Variants in SGPP2 observed in about 807,000 individuals in gnomAD.
SGPP2 encodes sphingosine 1-phosphate phosphohydrolase 2.
Under a neutral mutation model 33.9 loss-of-function variants are expected in SGPP2, and 30 were observed. The ratio of observed to expected loss-of-function variants is 0.89; its 90% CI spans 0.66 to 1.20. The LOEUF is 1.20. Ranked by LOEUF, SGPP2 falls within the 50% of genes most tolerant of loss-of-function variation. SGPP2 has a pLI of 0.00. For missense variants in SGPP2, 458 were observed against 532.1 expected (o/e 0.86, Z 1.37); for synonymous variants, 233 against 225.0 (o/e 1.04, Z -0.32).
chr2:222,473,084 C>T (rs886110532), intron 1 of SGPP2, among the ~76,000 whole-genome samples: 1 of 152,170 alleles, frequency 6.6e-6, no homozygotes, highest in African/African-American at 2.4e-5. Flanking sequence ...CATGGGTAGC[C>T]TGGCCTACAC....
Position 222,427,308 on chromosome 2 carries a change from T to A in SGPP2, c.219+2487T>A, listed in dbSNP as rs1428870103. Among the ~76,000 whole-genome samples the A allele has an allele frequency of 3.3e-5, 5 of 152,292 alleles. No homozygotes were observed. In the East Asian group the frequency reaches 9.6e-4, roughly 29 times the overall value. On this transcript the variant is annotated intron_variant, in intron 1 of 4. Transcript: ENST00000321276. ...CAGGGTCTTGCTGTGTCACCCAGGG[T>A]GGAGTGCAGTGGCACAATCATAAGT...
intron 2 of SGPP2, among the ~76,000 whole-genome samples, chr2:222,503,099 C>T (rs574932108): frequency 3.9e-5 from 6 of 152,232 alleles, no homozygotes; most frequent in African/African-American, 1.2e-4. Context: ...GAACATTGAG[C>T]TTTGGGAGGC....
chr2:222,561,913 G>A lies in SGPP2; in HGVS notation c.*3015G>A, dbSNP rs1689549033. On this transcript the variant is annotated 3_prime_UTR_variant, in exon 5 of 5. Coordinates refer to ENST00000321276, the MANE Select transcript of SGPP2 (RefSeq NM_152386.4). ...CATTTCTCACACAGCACTTTGCTCT[G>A]TTAAATCCTCTCTCTGTCTCAGACC... Among the ~76,000 whole-genome samples the A allele has an allele frequency of 1.4e-5, 2 of 140,018 alleles. No individual in the cohort carries two copies. The highest frequency in any genetic ancestry group is 5.2e-4 in the South Asian group (2 of 3,848). The allele number at this position is 140,018 out of a possible 152,430, so 91.9% of individuals were successfully genotyped here.
In SGPP2 at chr2:222,527,499, T is replaced by C. The variant is rs1421292001; in HGVS notation, c.648+2466T>C. Among the ~76,000 whole-genome samples the C allele has an allele frequency of 2.0e-5, 3 of 152,180 alleles. No individual in the cohort carries two copies. In the East Asian group the frequency reaches 5.8e-4, roughly 29 times the overall value. On this transcript the variant is annotated intron_variant, in intron 4 of 4. Coordinates refer to ENST00000321276, the MANE Select transcript of SGPP2 (RefSeq NM_152386.4). ...CTTCAGAGAGATTTTTTTAGAAGCT[T>C]CCCATGGGGTTTGAATATGCAGCTA...
At chr2:222,499,633 C>G (rs572573528) in intron 2 of SGPP2, among the ~76,000 whole-genome samples, 2 of 151,882 alleles carry the variant, frequency 1.3e-5, no homozygotes, top group African/African-American at 4.8e-5. Flanking sequence ...TTGGGGGAAA[C>G]ACAAGTTGGG....
chr2:222,542,105 T>A (rs939861604), intron 4 of SGPP2, among the ~76,000 whole-genome samples: 7 of 152,148 alleles, frequency 4.6e-5, no homozygotes, highest in African/African-American at 1.7e-4. Flanking sequence ...TCCCCAAAGG[T>A]ACCCGCTCCC....
Position 222,550,308 on chromosome 2 carries a change from G to GT in SGPP2, c.649-8035dup, listed in dbSNP as rs1361594102. ...TAAACAATCATTTCTAGTTTAGTCT[G>GT]TTTTGAAACACTTTGATTTTCACAT... On this transcript the variant is annotated intron_variant, in intron 4 of 4. Transcript: ENST00000321276. This position sits in a 1 kb window ranked among gnomAD's most constrained non-coding sequence, Gnocchi z 4.5. 5.3e-5 allele frequency among the ~76,000 whole-genome samples: 8 copies of GT among 152,062 alleles called. No individual in the cohort carries two copies. Among genetic ancestry groups the GT allele is most frequent in the African/African-American group, 1.7e-4 (7 of 41,396 alleles).
chr2:222,538,181 C>A (rs1337660093), intron 4 of SGPP2, among the ~76,000 whole-genome samples: 1 of 152,182 alleles, frequency 6.6e-6, no homozygotes, highest in Non-Finnish European at 1.5e-5. Flanking sequence ...TTGGTCCTTC[C>A]TCCTACATGA....
At chr2:222,444,673 A>G (rs1016682421) in intron 1 of SGPP2, among the ~76,000 whole-genome samples, 4 of 152,330 alleles carry the variant, frequency 2.6e-5, no homozygotes, top group Non-Finnish European at 5.9e-5. Context: ...TTGATTCCCC[A>G]TAAGAAAACA....
At chr2:222,439,937 T>C (rs1296042868) in intron 1 of SGPP2, among the ~76,000 whole-genome samples, 2 of 152,176 alleles carry the variant, frequency 1.3e-5, no homozygotes, top group African/African-American at 2.4e-5. Flanking sequence ...GGTATAATTA[T>C]GTAAGAAGGA....
intron 4 of SGPP2, among the ~76,000 whole-genome samples, chr2:222,540,571 G>C (rs927789307): frequency 4.6e-5 from 7 of 152,076 alleles, no homozygotes; most frequent in African/African-American, 1.7e-4. Context: ...TTCTCCCCCA[G>C]CACACAGTTC....
At chr2:222,488,692 A>G (rs1698149840) in intron 2 of SGPP2, among the ~76,000 whole-genome samples, 1 of 152,202 alleles carries the variant, frequency 6.6e-6, no homozygotes, top group Admixed American at 6.5e-5. Flanking sequence ...TAGTCCAGGC[A>G]TAAAGGTATG....
chr2:222,483,289 G>T (rs6722708), intron 2 of SGPP2, among the ~76,000 whole-genome samples: 5 of 151,846 alleles, frequency 3.3e-5, no homozygotes, highest in African/African-American at 1.2e-4. Flanking sequence ...GCGTAATTGC[G>T]TGGCAAATAT....
chr2:222,479,541 A>G (rs1697997898), intron 2 of SGPP2, among the ~76,000 whole-genome samples: 1 of 151,272 alleles, frequency 6.6e-6, no homozygotes, highest in Non-Finnish European at 1.5e-5. Context: ...TAGCTGGGAC[A>G]ACAGGCGCCC....
In SGPP2 at chr2:222,558,619, C is replaced by T. The variant is rs1178362147; in HGVS notation, c.921C>T (p.Leu307=). The change falls in exon 5 of 5, where the codon CTC becomes CTT. Residue 307 remains leucine (L), a synonymous_variant. Transcript: ENST00000321276. ...TTGTATCCAAGCCCGCTGAATCTCTCCCTGTTATTCAGAACATCCCACCAC... is the reference window on the plus strand; with the variant it reads ...TTGTATCCAAGCCCGCTGAATCTCTTCCTGTTATTCAGAACATCCCACCAC... ...FQLVSKPAES[L]PVIQNIPPLT... 5 of 1,614,188 alleles carry T rather than the reference C, an allele frequency of 3.1e-6. No homozygotes were observed. The highest frequency in any genetic ancestry group is 4.2e-6 in the Non-Finnish European group (5 of 1,180,038).
At chr2:222,511,455 T>TGTA in intron 2 of SGPP2, among the ~76,000 whole-genome samples, 1 of 152,212 alleles carries the variant, frequency 6.6e-6, no homozygotes, top group East Asian at 1.9e-4. Context: ...GTTAATGGTC[T>TGTA]GTAATTACTT....
chr2:222,457,588 C>T (rs1574840632), intron 1 of SGPP2, among the ~76,000 whole-genome samples: 1 of 152,216 alleles, frequency 6.6e-6, no homozygotes, highest in East Asian at 1.9e-4. Flanking sequence ...CTCTTATCTT[C>T]ACATCTGTGT....
intron 1 of SGPP2, among the ~76,000 whole-genome samples, chr2:222,451,458 T>A (rs1697487604): frequency 6.6e-6 from 1 of 152,186 alleles, no homozygotes; most frequent in Admixed American, 6.5e-5. Context: ...TGTACAGAAT[T>A]ATTTTGATGT....
At chr2:222,432,731 G>T (rs1159345318) in intron 1 of SGPP2, among the ~76,000 whole-genome samples, 1 of 152,084 alleles carries the variant, frequency 6.6e-6, no homozygotes, top group Non-Finnish European at 1.5e-5. Flanking sequence ...AAAGTCTGTA[G>T]AAAAGATAGG....
Sources: allele counts gnomAD v4.1 joint callset (sites outside exome capture counted in the v4.1 genomes callset), GRCh38; gene constraint gnomAD v4.1.1; non-coding constraint Gnocchi (gnomAD v3.1); transcripts MANE v1.5; gene names NCBI Gene and HGNC (gene_info 2026-07-23, HGNC 2026-07-21).